Variants in SNX22 observed in about 807,000 individuals in gnomAD.
SNX22 encodes sorting nexin-22.
In SNX22, 23 loss-of-function variants were observed where a neutral mutation model predicts 24.7. The ratio of observed to expected loss-of-function variants is 0.93; its 90% CI spans 0.67 to 1.32. The LOEUF (loss-of-function observed/expected upper bound fraction) is 1.32. SNX22 is among the 40% of genes most tolerant of loss of function. The pLI is 0.00. For missense variants in SNX22, 261 were observed against 249.9 expected (o/e 1.04, Z -0.30); for synonymous variants, 99 against 104.0 (o/e 0.95, Z 0.29).
At chr15:64,152,768 C>G (rs1484719485) in intron 3 of SNX22, 26 bp downstream of exon 3, 1 of 1,605,170 alleles carries the variant, frequency 6.2e-7, no homozygotes, top group African/African-American at 1.3e-5. Context: ...GTTGGTTGCC[C>G]CCCGGCCTTC....
In SNX22 at chr15:64,156,164, A is replaced by C. The variant is rs764273426; in HGVS notation, c.*1656A>C. Reference sequence around the variant, plus strand: ...CCACCTCCTGGAAAAGAAAGGTGGAAGCAGGAGGGCATGGTGGATCAGGAG... The same window carrying C: ...CCACCTCCTGGAAAAGAAAGGTGGACGCAGGAGGGCATGGTGGATCAGGAG... On this transcript the variant is annotated 3_prime_UTR_variant, in exon 7 of 7. Transcript: ENST00000325881. This position sits in a 1 kb window ranked among gnomAD's most constrained non-coding sequence, Gnocchi z 6.4. 1.2e-6 allele frequency: 2 copies of C among 1,613,956 alleles called. No individual in the cohort carries two copies. The highest frequency in any genetic ancestry group is 1.7e-6 in the Non-Finnish European group (2 of 1,179,972).
rs1238192507 is a variant in SNX22, at chr15:64,156,111, T to C, written c.*1603T>C. 1 of 1,614,188 alleles carries C rather than the reference T, an allele frequency of 6.2e-7. No individual in the cohort carries two copies. The highest frequency in any genetic ancestry group is 1.7e-5 in the Admixed American group (1 of 60,020). On this transcript the variant is annotated 3_prime_UTR_variant, in exon 7 of 7. Coordinates refer to ENST00000325881, the MANE Select transcript of SNX22 (RefSeq NM_024798.3). The surrounding 1 kb of genome is among the most constrained non-coding windows in gnomAD (Gnocchi z 6.4). The stretch of plus-strand genomic sequence containing the variant: ...ATCCTTCAGGGGTTTATCCCGGCTG[T>C]CTGTCTTGGTGCTCTCCACCTTCCG...
At chr15:64,153,104 G>T (rs1329333645) in intron 3 of SNX22, 141 bp from the exon 4 acceptor site, 1 of 1,023,104 alleles carries the variant, frequency 9.8e-7, no homozygotes, top group East Asian at 2.6e-5. Context: ...GCGCCCAGAA[G>T]GGCCCTGAGC....
chr15:64,156,462 G>A lies in SNX22; in HGVS notation c.*1954G>A. ...CTGCACTCTGTATACCTCAGGGGTG[G>A]GACCAGCACGTCACTGAGTGAAGGA... On this transcript the variant is annotated 3_prime_UTR_variant, in exon 7 of 7. Transcript: ENST00000325881. This position sits in a 1 kb window ranked among gnomAD's most constrained non-coding sequence, Gnocchi z 6.4. The A allele has an allele frequency of 1.6e-6, 1 of 617,620 alleles. No homozygotes were observed. The highest frequency in any genetic ancestry group is 2.9e-6 in the Non-Finnish European group (1 of 348,388). The allele number at this position is 617,620 out of a possible 1,614,324, so 38.3% of individuals were successfully genotyped here.
At position 64,154,004 on chromosome 15, in the gene SNX22, T is replaced by C; in HGVS notation, c.460+2T>C. 2 of 1,614,064 alleles carry C rather than the reference T, an allele frequency of 1.2e-6. No individual in the cohort carries two copies. Among genetic ancestry groups the C allele is most frequent in the Non-Finnish European group, 1.7e-6 (2 of 1,180,008 alleles). On this transcript the variant is annotated splice_donor_variant, in intron 6 of 6. Coordinates refer to ENST00000325881, the MANE Select transcript of SNX22 (RefSeq NM_024798.3). LOFTEE classifies it high-confidence loss of function. ...CCTATGTTTGCAACCCCTCCCCAGGTGAGGAGGTGCCTAGATATGGGGCTA... is the reference window on the plus strand; with the variant it reads ...CCTATGTTTGCAACCCCTCCCCAGGCGAGGAGGTGCCTAGATATGGGGCTA...
At chr15:64,152,895 CA>C in intron 3 of SNX22, 153 bp downstream of exon 3, 1 of 657,046 alleles carries the variant, frequency 1.5e-6, no homozygotes, top group South Asian at 1.9e-5. Flanking sequence ...AATATAGGTC[CA>C]AACACCCCCC....
chr15:64,154,144 C>A, intron 6 of SNX22, 142 bp downstream of exon 6: 1 of 1,592,178 alleles, frequency 6.3e-7, no homozygotes, highest in Non-Finnish European at 8.5e-7. Context: ...CTGGAGCCTG[C>A]TTTGTAGACA....
Position 64,152,680 on chromosome 15 carries a change from CT to C in SNX22, c.203del (p.Leu68ArgfsTer26). On this transcript the variant is annotated frameshift_variant, in exon 3 of 7. Coordinates refer to ENST00000325881, the MANE Select transcript of SNX22 (RefSeq NM_024798.3). LOFTEE classifies it high-confidence loss of function. Reference sequence around the variant, plus strand: ...AGTGCCCGACTTCCCCTCGAAACGCCTGCCCAACTGGAGGACCAGAGGGTTG... The same window carrying C: ...AGTGCCCGACTTCCCCTCGAAACGCCGCCCAACTGGAGGACCAGAGGGTTG... ...YKVPDFPSKR[L>X]PNWRTRGLEQ... The C allele has an allele frequency of 6.2e-7, 1 of 1,614,226 alleles. No homozygotes were observed.
intron 2 of SNX22, 31 bp downstream of exon 2, chr15:64,152,357 G>A: frequency 1.3e-6 from 2 of 1,493,226 alleles, no homozygotes; most frequent in Non-Finnish European, 1.8e-6. Context: ...CACCGGCCCC[G>A]GCCCAGCCTC....
chr15:64,152,814 G>T (rs1296523238), intron 3 of SNX22, 72 bp downstream of exon 3: 3 of 1,375,494 alleles, frequency 2.2e-6, no homozygotes, highest in Non-Finnish European at 3.1e-6. Context: ...AGAGGTGTGG[G>T]GGCATGGCAG....
intron 4 of SNX22, 151 bp from the exon 5 acceptor site, chr15:64,153,501 T>G (rs2081502356): frequency 6.7e-7 from 1 of 1,490,372 alleles, no homozygotes; most frequent in African/African-American, 1.4e-5. Flanking sequence ...TGGACAGACT[T>G]GGTTACCCCC....
Position 64,153,927 on chromosome 15 carries a change from CCTCCCAG to C in SNX22, c.394_400del. 6 of 1,610,274 alleles carry C rather than the reference CCTCCCAG, an allele frequency of 3.7e-6. No homozygotes were observed. Among genetic ancestry groups the C allele is most frequent in the African/African-American group, 2.7e-5 (2 of 74,822 alleles). Reference sequence around the variant, plus strand: ...GCACCCATGGTTCATGACCCTGTTTCCTCCCAGCTCCCAGCAGCACCAGCGGCCTGTC... The same window carrying C: ...GCACCCATGGTTCATGACCCTGTTTCCTCCCAGCAGCACCAGCGGCCTGTC... On this transcript the variant is annotated splice_acceptor_variant and splice_polypyrimidine_tract_variant and intron_variant, in intron 5 of 6. Transcript: ENST00000325881. LOFTEE classifies it high-confidence loss of function.
chr15:64,151,859 G>C lies in SNX22; in HGVS notation c.75+9G>C. The C allele has an allele frequency of 6.5e-7, 1 of 1,531,320 alleles. No homozygotes were observed. Among genetic ancestry groups the C allele is most frequent in the Non-Finnish European group, 8.8e-7 (1 of 1,141,336 alleles). 94.9% of individuals were successfully genotyped at this position (1,531,320 alleles called of 1,614,324 possible). A position where few individuals can be genotyped will look rare whatever the true frequency, so the allele number is the denominator to read the frequency against. On this transcript the variant is annotated intron_variant, in intron 1 of 6. Coordinates refer to ENST00000325881, the MANE Select transcript of SNX22 (RefSeq NM_024798.3). ...CGGAGAAAAGCCACATGGTGAGCGC[G>C]GCCCCTGGATGGGGAGGGGCGCCGG...
chr15:64,152,414 G>A (rs1276418449), intron 2 of SNX22, 88 bp downstream of exon 2: 1 of 1,380,972 alleles, frequency 7.2e-7, no homozygotes, highest in Non-Finnish European at 9.7e-7. Flanking sequence ...GCGAGCCCCA[G>A]CCTCCGCCAC....
Position 64,156,643 on chromosome 15 carries a change from A to T in SNX22, c.*2135A>T. On this transcript the variant is annotated 3_prime_UTR_variant, in exon 7 of 7. Coordinates refer to ENST00000325881, the MANE Select transcript of SNX22 (RefSeq NM_024798.3). This position sits in a 1 kb window ranked among gnomAD's most constrained non-coding sequence, Gnocchi z 6.4. Reference sequence around the variant, plus strand: ...TTGGGTCCTTTTGGGAAAGGGATGGACACATGGAGCTCCTGCCCTGGGGTC... The same window carrying T: ...TTGGGTCCTTTTGGGAAAGGGATGGTCACATGGAGCTCCTGCCCTGGGGTC... 6.5e-7 allele frequency: 1 copy of T among 1,539,816 alleles called. No homozygotes were observed. Among genetic ancestry groups the T allele is most frequent in the South Asian group, 1.1e-5 (1 of 89,286 alleles).
chr15:64,153,358 G>C lies in SNX22; in HGVS notation c.359+19G>C, dbSNP rs377582637. 1.2e-6 allele frequency: 2 copies of C among 1,612,780 alleles called. No homozygotes were observed. Among genetic ancestry groups the C allele is most frequent in the Non-Finnish European group, 1.7e-6 (2 of 1,179,490 alleles). The stretch of plus-strand genomic sequence containing the variant: ...ACTGGGGGTAAGGGGGGCCGATGGC[G>C]GGGGCCAGGGGCTGTCAGCAGTGAG... On this transcript the variant is annotated intron_variant, in intron 4 of 6. Coordinates refer to ENST00000325881, the MANE Select transcript of SNX22 (RefSeq NM_024798.3).
In SNX22 at chr15:64,153,578, CTCTGGTG is replaced by C. The variant is rs939314979; in HGVS notation, c.360-70_360-64del. On this transcript the variant is annotated intron_variant, in intron 4 of 6. Transcript: ENST00000325881. ...GTCCCCTGGGAGGTGCAGTTCTGGG[CTCTGGTG>C]TCTCCACCCCTTCCTCACGCTCCCC... is the stretch of plus-strand genomic sequence containing the variant. 14 of 1,592,412 alleles carry C rather than the reference CTCTGGTG, an allele frequency of 8.8e-6. No individual in the cohort carries two copies. In the African/African-American group the frequency reaches 1.9e-4, roughly 21 times the overall value.
Position 64,156,239 on chromosome 15 carries a change from A to T in SNX22, c.*1731A>T, listed in dbSNP as rs896806324. On this transcript the variant is annotated 3_prime_UTR_variant, in exon 7 of 7. Coordinates refer to ENST00000325881, the MANE Select transcript of SNX22 (RefSeq NM_024798.3). This position sits in a 1 kb window ranked among gnomAD's most constrained non-coding sequence, Gnocchi z 6.4. ...CAGCGTATGGCTCAGGAGGGCTAAGACCCACAAGTGATCAACAGCACACAA... is the reference window on the plus strand; with the variant it reads ...CAGCGTATGGCTCAGGAGGGCTAAGTCCCACAAGTGATCAACAGCACACAA... The T allele has an allele frequency of 9.3e-6, 14 of 1,510,066 alleles. No individual in the cohort carries two copies. Among genetic ancestry groups the T allele is most frequent in the African/African-American group, 4.1e-5 (3 of 72,696 alleles). The allele number at this position is 1,510,066 out of a possible 1,614,324, so 93.5% of individuals were successfully genotyped here.
At chr15:64,151,887 C>A (rs1168624773) in intron 1 of SNX22, 37 bp downstream of exon 1, 4 of 1,508,680 alleles carry the variant, frequency 2.7e-6, no homozygotes, top group Non-Finnish European at 2.7e-6. Context: ...GGCGCCGGGA[C>A]CCGCAGGATT....
Sources: allele counts gnomAD v4.1 joint callset, GRCh38; gene constraint gnomAD v4.1.1; non-coding constraint Gnocchi (gnomAD v3.1); transcripts MANE v1.5; gene names NCBI Gene and HGNC (gene_info 2026-07-23, HGNC 2026-07-21).